NCKAP5: variants seen among roughly 807,000 people sequenced by gnomAD.
NCKAP5 encodes the protein nck-associated protein 5.
A neutral mutation model predicts 167.0 loss-of-function variants in NCKAP5; 92 were observed. The observed-to-expected ratio is 0.55, with a 90% confidence interval of 0.47 to 0.66. The LOEUF is 0.66. NCKAP5 is among the 30% of genes least tolerant of loss of function. The pLI is 0.00. For missense variants in NCKAP5, 2,378 were observed against 2,315.0 expected, an observed-to-expected ratio of 1.03 and a Z score of -0.56; for synonymous variants, 891 against 877.4, an observed-to-expected ratio of 1.02 and a Z score of -0.27.
chr2:133,450,921 A>T (rs1467561460), intron 3 of NCKAP5, among the ~76,000 whole-genome samples: 1 of 152,166 alleles, frequency 6.6e-6, no homozygotes, highest in Non-Finnish European at 1.5e-5. Flanking sequence ...AGAATATTTT[A>T]CCAAAAATCA....
At chr2:132,886,451 G>A (rs142108467) in intron 8 of NCKAP5, among the ~76,000 whole-genome samples, 3 of 152,298 alleles carry the variant, frequency 2.0e-5, no homozygotes, top group Non-Finnish European at 2.9e-5. Context: ...TGATGCAATA[G>A]CCTAATCTAC....
At chr2:133,649,391 A>C in the NCKAP5 span, among the ~76,000 whole-genome samples, 1 of 151,966 alleles carries the variant, frequency 6.6e-6, no homozygotes, top group African/African-American at 2.4e-5. Flanking sequence ...TTATGAGGCC[A>C]GCATTACCCT....
intron 5 of NCKAP5, among the ~76,000 whole-genome samples, chr2:133,200,177 C>G (rs1173668468): frequency 6.8e-6 from 1 of 147,874 alleles, no homozygotes; most frequent in African/African-American, 2.5e-5. Flanking sequence ...AGAACACACA[C>G]TTCTCAATTC....
chr2:132,905,883 T>C (rs542047755), intron 8 of NCKAP5, among the ~76,000 whole-genome samples: 21 of 152,138 alleles, frequency 1.4e-4, no homozygotes, highest in African/African-American at 4.8e-4. Flanking sequence ...TTTTTTTCCT[T>C]CTTCTCAATA....
chr2:132,751,036 C>A (rs905204996), intron 16 of NCKAP5, among the ~76,000 whole-genome samples: 3 of 151,974 alleles, frequency 2.0e-5, no homozygotes, highest in African/African-American at 7.3e-5. Flanking sequence ...CACAGCTCAG[C>A]CCATTTATTT....
the NCKAP5 span, among the ~76,000 whole-genome samples, chr2:133,613,213 T>G: frequency 6.6e-6 from 1 of 152,138 alleles, no homozygotes; most frequent in East Asian, 1.9e-4. Context: ...CTATGGCCAT[T>G]GATAGAATTA....
rs185480795 is a variant in NCKAP5, at chr2:133,065,494, G to A, written c.341+64484C>T. Among the ~76,000 whole-genome samples, 60 of 152,190 alleles carry A rather than the reference G, an allele frequency of 3.9e-4. No homozygotes were observed. In the East Asian group the frequency reaches 8.3e-3, roughly 21 times the overall value. On this transcript the variant is annotated intron_variant, in intron 6 of 19. Transcript: ENST00000409261. ...ACAAAAATTATCTGGGCATGGTGGC[G>A]CGTGCCTGTAGTCCCAGCTACTTGG...
intron 8 of NCKAP5, among the ~76,000 whole-genome samples, chr2:132,958,940 G>A (rs2076421084): frequency 6.6e-6 from 1 of 151,072 alleles, no homozygotes; most frequent in Non-Finnish European, 1.5e-5. Flanking sequence ...TATGCTTCCT[G>A]TGTCTGCCCA....
chr2:133,595,530 A>G, the NCKAP5 span, among the ~76,000 whole-genome samples: 23 of 151,288 alleles, frequency 1.5e-4, no homozygotes, highest in African/African-American at 4.9e-4. Flanking sequence ...GCAAAGCAGG[A>G]AACTGAGGGA....
At chr2:132,697,668 T>C (rs552303622) in intron 19 of NCKAP5, among the ~76,000 whole-genome samples, 12 of 152,306 alleles carry the variant, frequency 7.9e-5, no homozygotes, top group African/African-American at 2.9e-4. Flanking sequence ...CATTTTTCAT[T>C]TTGATATAGT....
At chr2:133,154,923 T>G (rs1027479873) in intron 5 of NCKAP5, among the ~76,000 whole-genome samples, 2 of 152,224 alleles carry the variant, frequency 1.3e-5, no homozygotes, top group Non-Finnish European at 1.5e-5. Context: ...ACCCACCACT[T>G]AAACCTGTAA....
Position 132,722,170 on chromosome 2 carries a change from T to A in NCKAP5, c.5713+3457A>T, listed in dbSNP as rs569765056. ...ACTCATGTAGACAGGCATATGATGC[T>A]GAAACATGGGCCCTAAGGTAAGTGC... On this transcript the variant is annotated intron_variant, in intron 19 of 19. Transcript: ENST00000409261. Among the ~76,000 whole-genome samples, 4 of 152,350 alleles carry A rather than the reference T, an allele frequency of 2.6e-5. No homozygotes were observed. In the South Asian group the frequency reaches 8.3e-4, roughly 32 times the overall value.
At chr2:132,802,380 T>C (rs896302791) in intron 11 of NCKAP5, among the ~76,000 whole-genome samples, 5 of 152,226 alleles carry the variant, frequency 3.3e-5, no homozygotes, top group African/African-American at 1.2e-4. Context: ...TCAAATCATC[T>C]CCACTTTGGA....
intron 3 of NCKAP5, among the ~76,000 whole-genome samples, chr2:133,495,002 C>T (rs993622463): frequency 6.6e-6 from 1 of 152,140 alleles, no homozygotes; most frequent in Non-Finnish European, 1.5e-5. Context: ...AAACCTTGGT[C>T]TCCACAACCC....
intron 16 of NCKAP5, among the ~76,000 whole-genome samples, chr2:132,748,300 A>C (rs7606532): frequency 0.15 from 22,609 of 152,136 alleles, 1,835 homozygotes; most frequent in East Asian, 0.3. Context: ...ATTCCCAGAC[A>C]AATTTGTATC....
intron 11 of NCKAP5, among the ~76,000 whole-genome samples, chr2:132,798,977 C>T (rs1259131712): frequency 1.3e-5 from 2 of 152,078 alleles, no homozygotes; most frequent in Non-Finnish European, 2.9e-5. Context: ...AGGCTATTTA[C>T]AGTAGCAAAG....
intron 18 of NCKAP5, among the ~76,000 whole-genome samples, chr2:132,726,025 C>G (rs1380591947): frequency 6.6e-6 from 1 of 152,284 alleles, no homozygotes. Flanking sequence ...CTGCCGTTGT[C>G]CCAGGCTCAG....
At chr2:133,502,656 G>A (rs564242605) in intron 3 of NCKAP5, among the ~76,000 whole-genome samples, 15 of 152,220 alleles carry the variant, frequency 9.9e-5, no homozygotes, top group South Asian at 4.2e-4. Flanking sequence ...CCCTCATGCC[G>A]TGAGCCTCTG....
intron 2 of NCKAP5, among the ~76,000 whole-genome samples, chr2:133,521,796 T>A (rs1229904979): frequency 6.6e-6 from 1 of 152,190 alleles, no homozygotes; most frequent in African/African-American, 2.4e-5. Context: ...GTTCAACATA[T>A]GAAATTTGCA....
Sources: allele counts gnomAD v4.1 joint callset (sites outside exome capture counted in the v4.1 genomes callset), GRCh38; gene constraint gnomAD v4.1.1; transcripts MANE v1.5; gene names NCBI Gene and HGNC (gene_info 2026-07-23, HGNC 2026-07-21).